The following NSMAF variants were observed in gnomAD, a reference collection of about 807,000 sequenced individuals.
NSMAF encodes protein FAN.
NSMAF carries 90 observed loss-of-function variants against 134.9 expected under a neutral mutation model. The ratio of observed to expected loss-of-function variants is 0.67; its 90% CI spans 0.56 to 0.79. The LOEUF (loss-of-function observed/expected upper bound fraction) is 0.79, where lower values mean the gene tolerates loss of function less well. NSMAF is among the 30% of genes least tolerant of loss of function. NSMAF has a pLI of 0.00. For missense variants in NSMAF, 1,010 were observed against 1,119.0 expected, an observed-to-expected ratio of 0.90 and a Z score of 1.39; for synonymous variants, 358 against 389.6, an observed-to-expected ratio of 0.92 and a Z score of 0.96.
At chr8:58,617,964 T>A (rs1293696132) in intron 9 of NSMAF, among the ~76,000 whole-genome samples, 1 of 152,200 alleles carries the variant, frequency 6.6e-6, no homozygotes. Flanking sequence ...ATATACTTCA[T>A]GGGATACTAT....
At chr8:58,589,185 G>A (rs2129139186) in intron 26 of NSMAF, among the ~76,000 whole-genome samples, 1 of 146,368 alleles carries the variant, frequency 6.8e-6, no homozygotes, top group Non-Finnish European at 1.5e-5. Flanking sequence ...ATAAATATAT[G>A]TAATATATAA....
intron 27 of NSMAF, 79 bp downstream of exon 27, chr8:58,587,539 C>T (rs1390649847): frequency 5.8e-6 from 7 of 1,216,140 alleles, no homozygotes; most frequent in Non-Finnish European, 8.3e-6. Flanking sequence ...ACAACATGAA[C>T]AAAACCAAAA....
chr8:58,589,527 T>A lies in NSMAF; in HGVS notation c.2136A>T (p.Gly712=). 1.3e-6 allele frequency: 2 copies of A among 1,574,038 alleles called. No homozygotes were observed. The highest frequency in any genetic ancestry group is 1.7e-6 in the Non-Finnish European group (2 of 1,167,558). Residue 712 remains glycine (G), a synonymous_variant, in exon 26 of 31, where the codon GGA becomes GGT. Coordinates refer to ENST00000038176, the MANE Select transcript of NSMAF (RefSeq NM_003580.4). ...AFGRRQDTLM[G]HDDAVSKICW... is the part of the protein sequence containing the mutation. ...AGATCTTACTAACAGCATCATCATG[T>A]CCCATTAACGTGTCCTGGCGTCTTC... is the stretch of plus-strand genomic sequence containing the variant.
intron 21 of NSMAF, among the ~76,000 whole-genome samples, chr8:58,596,765 TAAAAATAC>T (rs1456709576): frequency 6.6e-6 from 1 of 151,868 alleles, no homozygotes; most frequent in Non-Finnish European, 1.5e-5. Context: ...CTGTCTCTAC[TAAAAATAC>T]AAAAATTAGC....
At position 58,597,863 on chromosome 8, in the gene NSMAF, T is replaced by C. The variant is rs773284346; in HGVS notation, c.1625A>G (p.Asn542Ser). The C allele has an allele frequency of 1.9e-6, 3 of 1,598,906 alleles. No homozygotes were observed. The highest frequency in any genetic ancestry group is 2.6e-6 in the Non-Finnish European group (3 of 1,166,562). ...CTCCTTATTGACATATAAGTACCTG[T>C]TCAAGTCTACACCTCCTTCATAGGT... Reference protein sequence around the residue: ...PLTYEGGVDLNSIQDPDEKVA... With the variant: ...PLTYEGGVDLSSIQDPDEKVA... The change falls in exon 20 of 31, where the codon AAC becomes AGC. Residue 542 changes from asparagine (N) to serine (S), a missense_variant. Transcript: ENST00000038176.
Position 58,606,049 on chromosome 8 carries a change from A to G in NSMAF, c.760-14T>C. ...TACTTCCAAGCCCTATAAATTCAAA[A>G]AGAAAATAATAAAATAAATAGCATT... is the stretch of plus-strand genomic sequence containing the variant. On this transcript the variant is annotated splice_polypyrimidine_tract_variant and intron_variant, in intron 11 of 30. Coordinates refer to ENST00000038176, the MANE Select transcript of NSMAF (RefSeq NM_003580.4). 6.4e-7 allele frequency: 1 copy of G among 1,562,744 alleles called. No homozygotes were observed. Among genetic ancestry groups the G allele is most frequent in the African/African-American group, 1.4e-5 (1 of 72,030 alleles).
intron 2 of NSMAF, among the ~76,000 whole-genome samples, chr8:58,637,704 A>T (rs1297418843): frequency 6.6e-6 from 1 of 152,218 alleles, no homozygotes; most frequent in East Asian, 1.9e-4. Flanking sequence ...TATGCTAACA[A>T]TGATCTATCC....
intron 6 of NSMAF, among the ~76,000 whole-genome samples, chr8:58,626,309 T>G (rs982636810): frequency 6.6e-6 from 1 of 152,074 alleles, no homozygotes; most frequent in Non-Finnish European, 1.5e-5. Context: ...TTAACCAGGA[T>G]GGTCTCGATC....
intron 1 of NSMAF, among the ~76,000 whole-genome samples, chr8:58,652,517 G>A (rs1807608896): frequency 6.6e-6 from 1 of 152,180 alleles, no homozygotes; most frequent in Non-Finnish European, 1.5e-5. Context: ...ATGCTGAGCT[G>A]GGATGAGTGA....
intron 2 of NSMAF, among the ~76,000 whole-genome samples, chr8:58,637,808 T>C (rs1207310449): frequency 6.6e-6 from 1 of 152,164 alleles, no homozygotes; most frequent in Admixed American, 6.5e-5. Flanking sequence ...GTAAAAAGTC[T>C]GTACACTGAA....
intron 6 of NSMAF, among the ~76,000 whole-genome samples, chr8:58,629,021 T>A (rs867892816): frequency 1.3e-5 from 2 of 152,214 alleles, no homozygotes; most frequent in South Asian, 2.1e-4. Flanking sequence ...GGTAAGGACA[T>A]CTCTGAAGTC....
intron 21 of NSMAF, 60 bp from the exon 22 acceptor site, chr8:58,595,719 C>T: frequency 2.1e-6 from 2 of 951,072 alleles, no homozygotes; most frequent in Non-Finnish European, 3.4e-6. Flanking sequence ...ACAACAGCAT[C>T]AGATTAACAA....
chr8:58,646,044 AATCATC>A (rs140848286), intron 1 of NSMAF, among the ~76,000 whole-genome samples: 13 of 151,806 alleles, frequency 8.6e-5, no homozygotes, highest in Non-Finnish European at 1.3e-4. Context: ...TCCGTCTCAA[AATCATC>A]ATCATCATCA....
chr8:58,613,657 A>C (rs1438549460), intron 9 of NSMAF, among the ~76,000 whole-genome samples: 1 of 152,228 alleles, frequency 6.6e-6, no homozygotes, highest in East Asian at 1.9e-4. Flanking sequence ...TAGTGGTCTC[A>C]TAAAATTATA....
intron 9 of NSMAF, among the ~76,000 whole-genome samples, chr8:58,615,983 A>G (rs1806644415): frequency 6.6e-6 from 1 of 152,198 alleles, no homozygotes; most frequent in Non-Finnish European, 1.5e-5. Flanking sequence ...GGTAGATACT[A>G]CAGATGCTGC....
intron 6 of NSMAF, 157 bp downstream of exon 6, chr8:58,631,339 G>T (rs1807053320): frequency 1.3e-5 from 5 of 383,766 alleles, no homozygotes; most frequent in Non-Finnish European, 1.4e-5. Context: ...AATAAAATCT[G>T]TGGCTCCCTT....
chr8:58,655,832 G>A (rs1346562055), intron 1 of NSMAF, among the ~76,000 whole-genome samples: 2 of 151,558 alleles, frequency 1.3e-5, no homozygotes, highest in African/African-American at 2.4e-5. Flanking sequence ...GCGTGAACCC[G>A]GGAGGCGGAA....
intron 25 of NSMAF, 191 bp from the exon 26 acceptor site, chr8:58,589,766 T>C: frequency 1.5e-6 from 1 of 667,332 alleles, no homozygotes; most frequent in Non-Finnish European, 2.3e-6. Context: ...TTTCCATGTC[T>C]GGCTCATCTG....
At chr8:58,638,147 A>G (rs1203741807) in intron 2 of NSMAF, among the ~76,000 whole-genome samples, 2 of 152,158 alleles carry the variant, frequency 1.3e-5, no homozygotes, top group Non-Finnish European at 2.9e-5. Context: ...AATGGGCTCA[A>G]TCAATCCTCC....
Sources: gnomAD v4.1 joint callset for allele counts (sites outside exome capture counted in the v4.1 genomes callset) on GRCh38, gnomAD v4.1.1 for gene constraint, MANE v1.5 for transcripts, NCBI Gene and HGNC (gene_info 2026-07-23, HGNC 2026-07-21) for gene names.